Variants in TRRAP observed in about 807,000 individuals in gnomAD.
TRRAP encodes transformation/transcription domain associated protein, also known as transformation/transcription domain-associated protein.
A neutral mutation model predicts 438.8 loss-of-function variants in TRRAP; 41 were observed. The ratio of observed to expected loss-of-function variants is 0.09; its 90% CI spans 0.07 to 0.12. TRRAP has a LOEUF of 0.12. Among genes scored for constraint, TRRAP ranks in the 10% least tolerant of loss-of-function variants. The pLI is 1.00. For missense variants in TRRAP, 3,122 were observed against 5,055.1 expected, an observed-to-expected ratio of 0.62 and a Z score of 11.60; for synonymous variants, 1,994 against 1,962.9, an observed-to-expected ratio of 1.02 and a Z score of -0.42.
At chr7:98,936,426 T>C (rs1333050047) in intron 28 of TRRAP, among the ~76,000 whole-genome samples, 2 of 152,352 alleles carry the variant, frequency 1.3e-5, no homozygotes, top group East Asian at 1.9e-4. Flanking sequence ...GGAACTCTCC[T>C]GTGCCTCCTT....
Position 99,012,591 on chromosome 7 carries a change from C to A in TRRAP, c.*236C>A. ...GAAATGGCAGAGCTGAAACTTATTC[C>A]AAGCTTTCAAAATAATCTTTTAAGA... On this transcript the variant is annotated 3_prime_UTR_variant, in exon 73 of 73. Coordinates refer to ENST00000456197, the MANE Select transcript of TRRAP (RefSeq NM_001375524.1). The surrounding 1 kb of genome is among the most constrained non-coding windows in gnomAD (Gnocchi z 5.9). 1 of 549,340 alleles carries A rather than the reference C, an allele frequency of 1.8e-6. No homozygotes were observed. The highest frequency in any genetic ancestry group is 3.1e-6 in the Non-Finnish European group (1 of 319,250). The allele number at this position is 549,340 out of a possible 1,614,324, so 34.0% of individuals were successfully genotyped here.
At chr7:98,891,205 T>TATATA (rs35255192) in intron 4 of TRRAP, among the ~76,000 whole-genome samples, 5,088 of 72,216 alleles carry the variant, frequency 0.07, 128 homozygotes, top group Non-Finnish European at 0.08. Context: ...ATATATATAT[T>TATATA]TTTTTTTTTT....
At chr7:98,927,506 C>T in intron 23 of TRRAP, 140 bp downstream of exon 23, 1 of 1,118,934 alleles carries the variant, frequency 8.9e-7, no homozygotes, top group Non-Finnish European at 1.2e-6. Context: ...TTCCAATTTT[C>T]CATTTACGAC....
At chr7:98,924,044 G>A (rs1253552724) in intron 21 of TRRAP, among the ~76,000 whole-genome samples, 1 of 152,170 alleles carries the variant, frequency 6.6e-6, no homozygotes, top group African/African-American at 2.4e-5. Flanking sequence ...GCTTAAGAAA[G>A]CCATCTTTCA....
intron 65 of TRRAP, 106 bp downstream of exon 65, chr7:98,992,333 C>T: frequency 8.3e-7 from 1 of 1,201,322 alleles, no homozygotes; most frequent in Non-Finnish European, 1.2e-6. Context: ...GCAGCTCACT[C>T]ATAGCCGTGG....
chr7:98,893,907 A>G (rs375450697), intron 6 of TRRAP, 26 bp downstream of exon 6: 1 of 1,605,084 alleles, frequency 6.2e-7, no homozygotes, highest in Non-Finnish European at 8.5e-7. Context: ...TCCTTATAGC[A>G]TTTATAAAGT....
In TRRAP at chr7:98,921,797, C is replaced by G. The variant is rs781796169; in HGVS notation, c.2667C>G (p.His889Gln). The G allele has an allele frequency of 6.2e-7, 1 of 1,614,216 alleles. No individual in the cohort carries two copies. Among genetic ancestry groups the G allele is most frequent in the Non-Finnish European group, 8.5e-7 (1 of 1,180,048 alleles). ...GCAACCCTGCTGACAGCATCTCCCA[C>G]GTGGCCTACCGTGTGCTCGGTAAGT... is the stretch of plus-strand genomic sequence containing the variant. ...TLRNPADSIS[H>Q]VAYRVLGKFG... is the part of the protein sequence containing the mutation. Residue 889 changes from histidine to glutamine, a missense_variant, in exon 21 of 73, where the codon CAC becomes CAG. Coordinates refer to ENST00000456197, the MANE Select transcript of TRRAP (RefSeq NM_001375524.1).
At chr7:98,947,720 T>C (rs1198614713) in intron 33 of TRRAP, among the ~76,000 whole-genome samples, 3 of 152,204 alleles carry the variant, frequency 2.0e-5, no homozygotes, top group African/African-American at 4.8e-5. Flanking sequence ...CCTCCCAAAG[T>C]GCTGGGATTA....
chr7:99,008,642 T>A, intron 70 of TRRAP, 81 bp downstream of exon 70: 1 of 1,485,782 alleles, frequency 6.7e-7, no homozygotes, highest in Non-Finnish European at 9.1e-7. Context: ...CAGGGGTGTT[T>A]AGGAGATGAA....
At chr7:98,998,168 A>G (rs1793754035) in intron 67 of TRRAP, among the ~76,000 whole-genome samples, 1 of 152,218 alleles carries the variant, frequency 6.6e-6, no homozygotes, top group South Asian at 2.1e-4. Context: ...AGTGTCTTAC[A>G]GGGGTGCTTC....
At chr7:98,962,578 A>G in intron 47 of TRRAP, 151 bp downstream of exon 47, 2 of 1,407,744 alleles carry the variant, frequency 1.4e-6, no homozygotes, top group Non-Finnish European at 2.0e-6. Flanking sequence ...TGGGGCCCTC[A>G]AGGCCGCCGT....
chr7:98,880,470 G>T (rs1554402887), intron 1 of TRRAP, among the ~76,000 whole-genome samples: 10 of 151,956 alleles, frequency 6.6e-5, no homozygotes. Context: ...CATCATGTTG[G>T]CTACGCTGGT....
rs367996892 is a variant in TRRAP, at chr7:98,935,526, A to T, written c.4015-53A>T. 1.3e-4 allele frequency: 192 copies of T among 1,516,190 alleles called. No individual in the cohort carries two copies. Among genetic ancestry groups the T allele is most frequent in the Non-Finnish European group, 1.7e-4 (190 of 1,098,884 alleles). The allele number at this position is 1,516,190 out of a possible 1,614,324, so 93.9% of individuals were successfully genotyped here. On this transcript the variant is annotated intron_variant, in intron 27 of 72. Coordinates refer to ENST00000456197, the MANE Select transcript of TRRAP (RefSeq NM_001375524.1). ...GCTGTGTTCTGTTATTTGCAAGGTT[A>T]TTATGTCTTCACAGGAAGAGTGGGC... is the stretch of plus-strand genomic sequence containing the variant.
intron 4 of TRRAP, among the ~76,000 whole-genome samples, chr7:98,890,720 G>C (rs541818093): frequency 2.0e-4 from 30 of 151,048 alleles, no homozygotes; most frequent in African/African-American, 7.3e-4. Context: ...ACAGAAGAAG[G>C]AATGACTACC....
At chr7:98,927,075 G>A (rs1343351140) in intron 22 of TRRAP, 92 bp from the exon 23 acceptor site, 6 of 1,378,264 alleles carry the variant, frequency 4.4e-6, no homozygotes, top group East Asian at 2.3e-5. Flanking sequence ...TAAGAGGGAA[G>A]CAAGCAGATT....
chr7:98,997,897 C>T (rs1793744744), intron 67 of TRRAP, among the ~76,000 whole-genome samples: 1 of 152,146 alleles, frequency 6.6e-6, no homozygotes, highest in Non-Finnish European at 1.5e-5. Flanking sequence ...TAATAAATAC[C>T]AAGTGATCCA....
chr7:98,978,349 G>A, intron 57 of TRRAP, 26 bp downstream of exon 57: 1 of 1,577,444 alleles, frequency 6.3e-7, no homozygotes, highest in Non-Finnish European at 8.7e-7. Context: ...TGCTTGACGT[G>A]TGCATGAATC....
At chr7:98,967,363 A>G in intron 50 of TRRAP, 122 bp from the exon 51 acceptor site, 1 of 1,312,484 alleles carries the variant, frequency 7.6e-7, no homozygotes, top group East Asian at 2.4e-5. Flanking sequence ...ACGATTTATA[A>G]CATACTCTTG....
At chr7:98,972,243 A>G (rs1792450761) in intron 53 of TRRAP, among the ~76,000 whole-genome samples, 2 of 152,162 alleles carry the variant, frequency 1.3e-5, no homozygotes, top group African/African-American at 2.4e-5. Context: ...GGGTCTTGAT[A>G]TGTTGCTCAG....
Sources: gnomAD v4.1 joint callset for allele counts (sites outside exome capture counted in the v4.1 genomes callset) on GRCh38, gnomAD v4.1.1 for gene constraint, Gnocchi (gnomAD v3.1) non-coding constraint, MANE v1.5 for transcripts, NCBI Gene and HGNC (gene_info 2026-07-23, HGNC 2026-07-21) for gene names.